The following PDE10A variants were observed in gnomAD, a reference collection of about 807,000 sequenced individuals.
PDE10A encodes the protein phosphodiesterase 10A, also known as cAMP and cAMP-inhibited cGMP 3',5'-cyclic phosphodiesterase 10A.
Under a neutral mutation model 97.7 loss-of-function variants are expected in PDE10A, and 39 were observed. The observed-to-expected ratio is 0.40, with a 90% confidence interval of 0.31 to 0.52. The LOEUF is 0.52. PDE10A is among the 20% of genes least tolerant of loss of function. PDE10A has a pLI of 0.56. For synonymous variants in PDE10A, 371 were observed against 376.8 expected (o/e 0.98, Z 0.18); for missense variants, 731 against 1,047.8 (o/e 0.70, Z 4.17).
intron 10 of PDE10A, among the ~76,000 whole-genome samples, chr6:165,428,274 C>T (rs930686203): frequency 6.6e-6 from 1 of 151,944 alleles, no homozygotes; most frequent in African/African-American, 2.4e-5. Context: ...CTCAAAAGTG[C>T]CTGACAGCCA....
At chr6:165,411,944 T>C (rs1389877477) in intron 13 of PDE10A, among the ~76,000 whole-genome samples, 2 of 152,152 alleles carry the variant, frequency 1.3e-5, no homozygotes. Context: ...CTAAATCTAG[T>C]TTCATTTAAC....
intron 2 of PDE10A, among the ~76,000 whole-genome samples, chr6:165,485,449 CAG>C (rs1241069721): frequency 1.6e-5 from 2 of 126,760 alleles, no homozygotes; most frequent in East Asian, 4.8e-4. Flanking sequence ...GCCTGGGTGA[CAG>C]AGTGAGACTC....
chr6:165,955,314 C>T (rs1052670325), intron 1 of PDE10A, among the ~76,000 whole-genome samples: 1 of 152,204 alleles, frequency 6.6e-6, no homozygotes, highest in Non-Finnish European at 1.5e-5. Flanking sequence ...TAATCATTAT[C>T]TCTCACTTGG....
chr6:165,342,146 T>C (rs879831303), intron 19 of PDE10A, among the ~76,000 whole-genome samples: 3 of 151,464 alleles, frequency 2.0e-5, no homozygotes, highest in Non-Finnish European at 4.4e-5. Flanking sequence ...AATCGACTAG[T>C]ATCTACATAT....
At chr6:165,955,895 C>T (rs532392263) in intron 1 of PDE10A, among the ~76,000 whole-genome samples, 44 of 152,188 alleles carry the variant, frequency 2.9e-4, no homozygotes, top group Non-Finnish European at 5.4e-4. Flanking sequence ...ACATTTGATT[C>T]ATATAAAAAT....
chr6:165,576,839 G>C (rs1785332034), intron 1 of PDE10A, among the ~76,000 whole-genome samples: 1 of 152,154 alleles, frequency 6.6e-6, no homozygotes, highest in African/African-American at 2.4e-5. Context: ...CCTTTGTTCA[G>C]ACAGTTAGCC....
intron 1 of PDE10A, among the ~76,000 whole-genome samples, chr6:165,909,759 C>G (rs1399956378): frequency 6.6e-6 from 1 of 152,164 alleles, no homozygotes; most frequent in African/African-American, 2.4e-5. Flanking sequence ...AGCCAAATGC[C>G]TTAGACCAGC....
At chr6:165,678,821 T>A (rs1429943011) in intron 1 of PDE10A, among the ~76,000 whole-genome samples, 1 of 152,242 alleles carries the variant, frequency 6.6e-6, no homozygotes, top group Admixed American at 6.5e-5. Context: ...TTTTAACATG[T>A]GGCAGAAATT....
At chr6:165,929,055 C>T (rs149641807) in intron 1 of PDE10A, among the ~76,000 whole-genome samples, 87 of 152,220 alleles carry the variant, frequency 5.7e-4, no homozygotes, top group African/African-American at 2.0e-3. Context: ...TCTGACTCCT[C>T]GTCTCTAAAA....
rs551975788 is a variant in PDE10A, at chr6:165,610,129, C to G, written c.865+51818G>C. ...AACTATACTACAAGGCTACAGTAAC[C>G]AAAACAGCATGGTACTGGTACCAAA... On this transcript the variant is annotated intron_variant, in intron 1 of 21. Coordinates refer to ENST00000539869, the MANE Select transcript of PDE10A (RefSeq NM_001385079.1). 2.0e-5 allele frequency among the ~76,000 whole-genome samples: 3 copies of G among 152,282 alleles called. No individual in the cohort carries two copies. The East Asian group carries it at 5.8e-4, about 29-fold the overall frequency.
At chr6:165,491,105 A>AT (rs1468286604) in intron 2 of PDE10A, among the ~76,000 whole-genome samples, 53 of 152,334 alleles carry the variant, frequency 3.5e-4, no homozygotes, top group African/African-American at 1.2e-3. Context: ...AGGAGTAGCT[A>AT]TTTTTACATC....
chr6:165,731,822 T>C (rs1792444060), intron 1 of PDE10A, among the ~76,000 whole-genome samples: 1 of 152,210 alleles, frequency 6.6e-6, no homozygotes, highest in South Asian at 2.1e-4. Flanking sequence ...TTATATTACA[T>C]TTTCAATTGC....
chr6:165,718,406 T>A (rs1289705757), intron 1 of PDE10A: 3 of 152,130 alleles, frequency 2.0e-5, no homozygotes, highest in Non-Finnish European at 2.9e-5. Context: ...TATAACACAC[T>A]GTCCCAAATC....
chr6:165,841,993 GA>G (rs1353837026), intron 1 of PDE10A, among the ~76,000 whole-genome samples: 2 of 151,944 alleles, frequency 1.3e-5, no homozygotes, highest in East Asian at 1.9e-4. Context: ...AGCTCCTTTA[GA>G]AAAAAACTCT....
At chr6:165,564,151 T>C (rs920277335) in intron 1 of PDE10A, among the ~76,000 whole-genome samples, 6 of 152,150 alleles carry the variant, frequency 3.9e-5, no homozygotes, top group African/African-American at 9.7e-5. Flanking sequence ...TTAAAATAAA[T>C]ATTTAGAGTC....
chr6:165,932,093 A>C (rs1427198278), intron 1 of PDE10A, among the ~76,000 whole-genome samples: 1 of 152,174 alleles, frequency 6.6e-6, no homozygotes. Flanking sequence ...ATGCAGCTCC[A>C]CACAGGGGAC....
At chr6:165,360,605 G>A (rs780435284) in intron 18 of PDE10A, among the ~76,000 whole-genome samples, 4 of 152,160 alleles carry the variant, frequency 2.6e-5, no homozygotes, top group Admixed American at 1.3e-4. Context: ...ACTGTAGTTT[G>A]GAAAAACTGC....
chr6:165,706,035 T>C (rs1211714427), intron 1 of PDE10A, among the ~76,000 whole-genome samples: 1 of 152,196 alleles, frequency 6.6e-6, no homozygotes, highest in African/African-American at 2.4e-5. Context: ...GCCACACTCC[T>C]AATGCATAGC....
chr6:165,960,829 T>C (rs1472179687), intron 1 of PDE10A, among the ~76,000 whole-genome samples: 1 of 152,010 alleles, frequency 6.6e-6, no homozygotes, highest in Non-Finnish European at 1.5e-5. Context: ...GCACTCTGTG[T>C]GAGTGAGTGT....
Sources: allele counts gnomAD v4.1 joint callset (sites outside exome capture counted in the v4.1 genomes callset), GRCh38; gene constraint gnomAD v4.1.1; transcripts MANE v1.5; gene names NCBI Gene and HGNC (gene_info 2026-07-23, HGNC 2026-07-21).